The following CLIC6 variants were observed in gnomAD, a reference collection of about 807,000 sequenced individuals.
CLIC6 encodes chloride intracellular channel protein 6.
In CLIC6, 39 loss-of-function variants were observed where a neutral mutation model predicts 49.2. The ratio of observed to expected loss-of-function variants is 0.79; its 90% CI spans 0.61 to 1.04. CLIC6 has a LOEUF of 1.04. Ranked by LOEUF, CLIC6 falls within the 50% of genes least tolerant of loss-of-function variation. The pLI, the probability that CLIC6 is intolerant of heterozygous loss-of-function variation, is 0.00. For missense variants in CLIC6, 988 were observed against 993.1 expected, an observed-to-expected ratio of 0.99 and a Z score of 0.07; for synonymous variants, 446 against 433.4, an observed-to-expected ratio of 1.03 and a Z score of -0.36.
At chr21:34,696,186 C>G (rs766857924) in intron 1 of CLIC6, among the ~76,000 whole-genome samples, 6 of 151,868 alleles carry the variant, frequency 4.0e-5, no homozygotes, top group Non-Finnish European at 7.3e-5. Context: ...AGACCCCCCC[C>G]ATCCCTGGCC....
intron 1 of CLIC6, among the ~76,000 whole-genome samples, chr21:34,686,979 C>T (rs1214094340): frequency 1.3e-5 from 2 of 152,198 alleles, no homozygotes; most frequent in Non-Finnish European, 2.9e-5. Context: ...AGGCAAACCT[C>T]GCTCAAATCC....
Position 34,669,550 on chromosome 21 carries a change from C to T in CLIC6, c.162C>T (p.Ala54=), listed in dbSNP as rs1204871249. The part of the protein sequence containing the change: ...SEGAEEAPRG[A]AAVKEAGGGG... ...GCGCAGAGGAGGCGCCGAGGGGCGC[C>T]GCCGCTGTGAAGGAGGCAGGAGGCG... Residue 54 remains alanine (A), a synonymous_variant, in exon 1 of 6, where the codon GCC becomes GCT. Transcript: ENST00000349499. 6.4e-6 allele frequency: 8 copies of T among 1,244,812 alleles called. No individual in the cohort carries two copies. In the African/African-American group the frequency reaches 7.8e-5, roughly 12 times the overall value. The allele number at this position is 1,244,812 out of a possible 1,614,324, so 77.1% of individuals were successfully genotyped here.
chr21:34,686,488 A>T (rs1246028450), intron 1 of CLIC6, among the ~76,000 whole-genome samples: 1 of 152,232 alleles, frequency 6.6e-6, no homozygotes, highest in Non-Finnish European at 1.5e-5. Flanking sequence ...GGTGGATTAA[A>T]GATGGCTGCC....
chr21:34,669,849 G>C lies in CLIC6; in HGVS notation c.461G>C (p.Gly154Ala), dbSNP rs1055882965. 74 of 1,411,350 alleles carry C rather than the reference G, an allele frequency of 5.2e-5. No individual in the cohort carries two copies. The highest frequency in any genetic ancestry group is 6.5e-5 in the Non-Finnish European group (71 of 1,092,018). The allele number at this position is 1,411,350 out of a possible 1,614,324, so 87.4% of individuals were successfully genotyped here. The change falls in exon 1 of 6, where the codon GGG becomes GCG. Residue 154 changes from glycine (G) to alanine (A), a missense_variant. Coordinates refer to ENST00000349499, the MANE Select transcript of CLIC6 (RefSeq NM_053277.3). ...RPEVPEGSASGEAGDSVDAEG... is the reference protein window; with the variant it reads ...RPEVPEGSASAEAGDSVDAEG... ...GAGGTCCCGGAAGGTAGCGCGTCCG[G>C]GGAGGCGGGGGACAGCGTAGACGCG...
intron 1 of CLIC6, among the ~76,000 whole-genome samples, chr21:34,671,140 A>AAAG (rs1188666159): frequency 3.1e-4 from 27 of 86,844 alleles, no homozygotes; most frequent in African/African-American, 1.1e-3. Flanking sequence ...AAAAAAAAAA[A>AAAG]AAGAAGAAGA....
chr21:34,715,776 T>G (rs2056082122), intron 5 of CLIC6, among the ~76,000 whole-genome samples: 1 of 152,250 alleles, frequency 6.6e-6, no homozygotes, highest in Non-Finnish European at 1.5e-5. Flanking sequence ...TTGCATCTGC[T>G]TTGTTCATGA....
chr21:34,690,262 C>A (rs977669413), intron 1 of CLIC6, among the ~76,000 whole-genome samples: 2 of 152,196 alleles, frequency 1.3e-5, no homozygotes, highest in African/African-American at 4.8e-5. Context: ...AGTGCTGTCA[C>A]CCCACAGCAC....
At chr21:34,693,506 G>T in intron 1 of CLIC6, among the ~76,000 whole-genome samples, 1 of 152,194 alleles carries the variant, frequency 6.6e-6, no homozygotes, top group African/African-American at 2.4e-5. Context: ...AAGGAACCAA[G>T]ATTTAAAAAG....
chr21:34,681,450 G>T (rs1989779206), intron 1 of CLIC6, among the ~76,000 whole-genome samples: 1 of 152,242 alleles, frequency 6.6e-6, no homozygotes, highest in East Asian at 1.9e-4. Context: ...GAGGATGTCA[G>T]TCAGAGCTGT....
intron 2 of CLIC6, 45 bp from the exon 3 acceptor site, chr21:34,707,899 G>T: frequency 6.2e-7 from 1 of 1,610,136 alleles, no homozygotes; most frequent in South Asian, 1.1e-5. Flanking sequence ...AATGAGTCCA[G>T]ATTCTCACGG....
intron 1 of CLIC6, among the ~76,000 whole-genome samples, chr21:34,696,304 G>A (rs149938881): frequency 1.3e-5 from 2 of 152,274 alleles, no homozygotes; most frequent in East Asian, 1.9e-4. Flanking sequence ...TCCATTTTCT[G>A]TCCTAACCAC....
At chr21:34,707,029 G>A (rs71329081) in intron 1 of CLIC6, among the ~76,000 whole-genome samples, 56 of 152,136 alleles carry the variant, frequency 3.7e-4, no homozygotes, top group Non-Finnish European at 6.2e-4. Context: ...GTGAGGTGGT[G>A]GGGAAGGAAG....
rs548884898 is a variant in CLIC6 at position 34,700,303 on chromosome 21, C to T, written c.1375-6977C>T. Among the ~76,000 whole-genome samples the T allele has an allele frequency of 6.1e-4, 86 of 142,006 alleles. 4 individuals carry two copies. In the South Asian group the frequency reaches 9.6e-3, roughly 16 times the overall value. 93.2% of individuals were successfully genotyped at this position (142,006 alleles called of 152,430 possible). On this transcript the variant is annotated intron_variant, in intron 1 of 5. Transcript: ENST00000349499. ...TCTACTAAAAATACAAAAAATTAGC[C>T]GTGCGTGGTGCCGGGCTCCTGTGGT...
chr21:34,682,457 T>A (rs1028500015), intron 1 of CLIC6, among the ~76,000 whole-genome samples: 1 of 152,164 alleles, frequency 6.6e-6, no homozygotes, highest in African/African-American at 2.4e-5. Context: ...TATATTGATA[T>A]TTGTTTTTCT....
chr21:34,708,819 C>A lies in CLIC6; in HGVS notation c.1717+13C>A. The A allele has an allele frequency of 6.4e-7, 1 of 1,574,510 alleles. No homozygotes were observed. The highest frequency in any genetic ancestry group is 8.7e-7 in the Non-Finnish European group (1 of 1,144,360). ...GATGCAAATGAGAGTGAGTACCTCC[C>A]ATCCTCCTGTTTTGTTTCAACACAG... On this transcript the variant is annotated intron_variant, in intron 4 of 5. Coordinates refer to ENST00000349499, the MANE Select transcript of CLIC6 (RefSeq NM_053277.3).
chr21:34,705,971 C>A (rs961216769), intron 1 of CLIC6: 11 of 640,826 alleles, frequency 1.7e-5, no homozygotes, highest in Non-Finnish European at 2.2e-5. Context: ...CCCACTGAAT[C>A]AAACTCTGTA....
intron 5 of CLIC6, among the ~76,000 whole-genome samples, chr21:34,709,838 C>G (rs1415045196): frequency 6.6e-6 from 1 of 152,162 alleles, no homozygotes; most frequent in East Asian, 1.9e-4. Context: ...TAGATTATAC[C>G]TGGTGTTAGC....
At chr21:34,675,409 A>G (rs1989644596) in intron 1 of CLIC6, among the ~76,000 whole-genome samples, 1 of 152,082 alleles carries the variant, frequency 6.6e-6, no homozygotes, top group Non-Finnish European at 1.5e-5. Context: ...GACTTGTTCT[A>G]TGGGGCTTGG....
At chr21:34,699,697 A>G (rs1242865015) in intron 1 of CLIC6, among the ~76,000 whole-genome samples, 1 of 152,136 alleles carries the variant, frequency 6.6e-6, no homozygotes, top group Non-Finnish European at 1.5e-5. Flanking sequence ...CGTTCGTAAT[A>G]CTAGAGGTTC....
Sources: gnomAD v4.1 joint callset for allele counts (sites outside exome capture counted in the v4.1 genomes callset) on GRCh38, gnomAD v4.1.1 for gene constraint, MANE v1.5 for transcripts, NCBI Gene and HGNC (gene_info 2026-07-23, HGNC 2026-07-21) for gene names.